The following NOS1AP variants were observed in gnomAD, a reference collection of about 807,000 sequenced individuals.
The protein encoded by NOS1AP is nitric oxide synthase 1 adaptor protein, also known as carboxyl-terminal PDZ ligand of neuronal nitric oxide synthase protein.
A neutral mutation model predicts 56.2 loss-of-function variants in NOS1AP; 21 were observed. The ratio of observed to expected loss-of-function variants is 0.37; its 90% CI spans 0.26 to 0.54. The LOEUF (loss-of-function observed/expected upper bound fraction) is 0.54. Ranked by LOEUF, NOS1AP falls within the 20% of genes least tolerant of loss-of-function variation. The pLI, the probability that NOS1AP is intolerant of heterozygous loss-of-function variation, is 0.84. For synonymous variants in NOS1AP, 270 were observed against 274.6 expected, an observed-to-expected ratio of 0.98 and a Z score of 0.17; for missense variants, 522 against 657.8, an observed-to-expected ratio of 0.79 and a Z score of 2.26.
intron 1 of NOS1AP, among the ~76,000 whole-genome samples, chr1:162,109,487 G>C (rs1162596589): frequency 6.6e-6 from 1 of 152,114 alleles, no homozygotes; most frequent in Non-Finnish European, 1.5e-5. Flanking sequence ...AAAATAAAGG[G>C]CTGATGAGGA....
At chr1:162,260,056 T>C (rs142353160) in intron 2 of NOS1AP, among the ~76,000 whole-genome samples, 1 of 152,284 alleles carries the variant, frequency 6.6e-6, no homozygotes, top group African/African-American at 2.4e-5. Flanking sequence ...GAAACAATGA[T>C]GTCATGGGTA....
intron 2 of NOS1AP, among the ~76,000 whole-genome samples, chr1:162,283,773 C>T (rs549393271): frequency 3.3e-5 from 5 of 152,324 alleles, no homozygotes; most frequent in African/African-American, 1.2e-4. Context: ...TGTTTTGTTC[C>T]CTGAAAGGTC....
chr1:162,236,496 A>G (rs1019244145), intron 2 of NOS1AP, among the ~76,000 whole-genome samples: 1 of 152,178 alleles, frequency 6.6e-6, no homozygotes, highest in Non-Finnish European at 1.5e-5. Flanking sequence ...ACTAGCGGAC[A>G]TGTCTTTCTA....
chr1:162,359,287 A>C (rs915724917), intron 8 of NOS1AP, among the ~76,000 whole-genome samples: 9 of 152,202 alleles, frequency 5.9e-5, no homozygotes, highest in Admixed American at 3.9e-4. Context: ...CACATTTGTG[A>C]GATGACTTTA....
At chr1:162,313,552 T>C (rs181343285) in intron 4 of NOS1AP, among the ~76,000 whole-genome samples, 15 of 152,328 alleles carry the variant, frequency 9.8e-5, no homozygotes, top group African/African-American at 3.6e-4. Context: ...GAAAGTGATA[T>C]TTTAGGAAAA....
chr1:162,127,824 G>A (rs1294001271), intron 1 of NOS1AP, among the ~76,000 whole-genome samples: 1 of 152,168 alleles, frequency 6.6e-6, no homozygotes, highest in Admixed American at 6.5e-5. Context: ...CTGTCACCAG[G>A]CCCCACCTCC....
chr1:162,356,177 C>T (rs1452014749), intron 7 of NOS1AP, among the ~76,000 whole-genome samples: 1 of 152,200 alleles, frequency 6.6e-6, no homozygotes, highest in Non-Finnish European at 1.5e-5. Context: ...AGCCCTGTGT[C>T]ACTGGGGGCC....
intron 4 of NOS1AP, among the ~76,000 whole-genome samples, chr1:162,329,646 AC>A (rs1656703288): frequency 6.6e-6 from 1 of 152,012 alleles, no homozygotes; most frequent in African/African-American, 2.4e-5. Flanking sequence ...AATTTCTACC[AC>A]CCCCACAATC....
chr1:162,262,544 A>G lies in NOS1AP; in HGVS notation c.178-24800A>G, dbSNP rs77468519. Reference sequence around the variant, plus strand: ...GACATTCTAATGGGAAGGTTTTGTTATAGCATGAAGAAATGAAAAACACAG... The same window carrying G: ...GACATTCTAATGGGAAGGTTTTGTTGTAGCATGAAGAAATGAAAAACACAG... On this transcript the variant is annotated intron_variant, in intron 2 of 9. Transcript: ENST00000361897. Among the ~76,000 whole-genome samples, 839 of 152,350 alleles carry G rather than the reference A, an allele frequency of 5.5e-3. 52 individuals are homozygous for G. The East Asian group carries it at 0.14, about 25-fold the overall frequency.
chr1:162,366,795 G>A (rs760614865), intron 9 of NOS1AP: 12 of 586,020 alleles, frequency 2.0e-5, no homozygotes, highest in Non-Finnish European at 3.1e-5. Flanking sequence ...GCCTTCAGTG[G>A]CTACCAGAAC....
chr1:162,364,619 C>T, intron 8 of NOS1AP: 2 of 985,494 alleles, frequency 2.0e-6, no homozygotes, highest in Non-Finnish European at 2.4e-6. Context: ...GATGAGGGTG[C>T]CACAAATTGT....
chr1:162,247,731 A>G (rs1653711865), intron 2 of NOS1AP, among the ~76,000 whole-genome samples: 1 of 152,260 alleles, frequency 6.6e-6, no homozygotes, highest in Non-Finnish European at 1.5e-5. Flanking sequence ...CTACTGTGCC[A>G]GAGAGCCTTT....
Position 162,288,750 on chromosome 1 carries a change from G to T in NOS1AP, c.270+1314G>T, listed in dbSNP as rs1377571733. Among the ~76,000 whole-genome samples, 3 of 152,208 alleles carry T rather than the reference G, an allele frequency of 2.0e-5. No individual in the cohort carries two copies. The East Asian group carries it at 5.8e-4, about 29-fold the overall frequency. Reference sequence around the variant, plus strand: ...ATGGCTATGATGCTGCAAGTATGTAGAAAAAAGATATACTGTTTATAAAGA... The same window carrying T: ...ATGGCTATGATGCTGCAAGTATGTATAAAAAAGATATACTGTTTATAAAGA... On this transcript the variant is annotated intron_variant, in intron 3 of 9. Coordinates refer to ENST00000361897, the MANE Select transcript of NOS1AP (RefSeq NM_014697.3).
At chr1:162,209,690 C>A (rs1408992209) in intron 2 of NOS1AP, among the ~76,000 whole-genome samples, 2 of 152,108 alleles carry the variant, frequency 1.3e-5, no homozygotes, top group Non-Finnish European at 2.9e-5. Context: ...TGGGCCAGAG[C>A]CCTCCCAACA....
chr1:162,160,121 G>T (rs1650140120), intron 2 of NOS1AP, among the ~76,000 whole-genome samples: 1 of 152,190 alleles, frequency 6.6e-6, no homozygotes, highest in South Asian at 2.1e-4. Flanking sequence ...ACACTCAGGG[G>T]TATCTGGTCT....
chr1:162,278,771 T>C (rs945105486), intron 2 of NOS1AP, among the ~76,000 whole-genome samples: 2 of 147,672 alleles, frequency 1.4e-5, no homozygotes, highest in African/African-American at 4.9e-5. Context: ...TGCAAGACTA[T>C]TTATTGCTGC....
intron 2 of NOS1AP, among the ~76,000 whole-genome samples, chr1:162,256,681 G>A (rs1654041657): frequency 6.6e-6 from 1 of 152,196 alleles, no homozygotes; most frequent in African/African-American, 2.4e-5. Context: ...ATGCGCGTAT[G>A]TACATTAACA....
At chr1:162,126,227 A>G (rs961300321) in intron 1 of NOS1AP, among the ~76,000 whole-genome samples, 1 of 152,146 alleles carries the variant, frequency 6.6e-6, no homozygotes, top group African/African-American at 2.4e-5. Flanking sequence ...TTGGCAAACA[A>G]TGTAGTTTAA....
chr1:162,103,109 G>A (rs964220698), intron 1 of NOS1AP, among the ~76,000 whole-genome samples: 7 of 152,052 alleles, frequency 4.6e-5, no homozygotes, highest in South Asian at 2.1e-4. Context: ...TTTTAGCTGC[G>A]TCCCAGAGAT....
Sources: gnomAD v4.1 joint callset for allele counts (sites outside exome capture counted in the v4.1 genomes callset) on GRCh38, gnomAD v4.1.1 for gene constraint, MANE v1.5 for transcripts, NCBI Gene and HGNC (gene_info 2026-07-23, HGNC 2026-07-21) for gene names.